Variants in CDK5RAP2 observed in about 807,000 individuals in gnomAD.
CDK5RAP2 encodes CDK5 regulatory subunit associated protein 2.
In CDK5RAP2, 147 loss-of-function variants were observed where a neutral mutation model predicts 232.9. The ratio of observed to expected loss-of-function variants is 0.63; its 90% CI spans 0.55 to 0.72. The LOEUF (loss-of-function observed/expected upper bound fraction) is 0.72. Ranked by LOEUF, CDK5RAP2 falls within the 30% of genes least tolerant of loss-of-function variation. The probability of loss-of-function intolerance (pLI) is 0.00; values close to 1 mark genes in which losing one functional copy is unlikely to be tolerated. For missense variants in CDK5RAP2, 2,195 were observed against 2,231.5 expected (o/e 0.98, Z 0.33); for synonymous variants, 833 against 833.7 (o/e 1.00, Z 0.01).
intron 18 of CDK5RAP2, among the ~76,000 whole-genome samples, chr9:120,466,675 T>C (rs2037396559): frequency 1.3e-5 from 2 of 152,222 alleles, no homozygotes; most frequent in South Asian, 4.1e-4. Context: ...GCAGATATTC[T>C]TGGTTTTCAA....
intron 18 of CDK5RAP2, among the ~76,000 whole-genome samples, chr9:120,462,972 G>A (rs2037174160): frequency 6.6e-6 from 1 of 152,178 alleles, no homozygotes; most frequent in South Asian, 2.1e-4. Context: ...ATGGGCAGGT[G>A]GGAAATGTGA....
chr9:120,453,458 T>C lies in CDK5RAP2; in HGVS notation c.2791A>G (p.Arg931Gly). The C allele has an allele frequency of 6.2e-7, 1 of 1,607,186 alleles. No homozygotes were observed. Among genetic ancestry groups the C allele is most frequent in the Non-Finnish European group, 8.5e-7 (1 of 1,177,270 alleles). Residue 931 changes from arginine to glycine, a missense_variant and splice_region_variant, in exon 21 of 38, where the codon AGA becomes GGA. Physicochemically the swap from Arg to Gly is moderately radical, Grantham distance 125. Transcript: ENST00000349780. ...ALLSLPGITN[R>G]EAKKSRLPIL... ...AATTATTACATGGAAAAACTTACTC[T>C]GTTGGTAATACCAGGGAGGGAAAGG...
In CDK5RAP2 at chr9:120,460,622, C is replaced by A; in HGVS notation, c.2152G>T (p.Asp718Tyr). 6.2e-7 allele frequency: 1 copy of A among 1,614,164 alleles called. No homozygotes were observed. Among genetic ancestry groups the A allele is most frequent in the Non-Finnish European group, 8.5e-7 (1 of 1,180,012 alleles). Residue 718 changes from aspartate (D) to tyrosine (Y), a missense_variant, in exon 19 of 38, where the codon GAT (aspartate) becomes TAT (tyrosine). Coordinates refer to ENST00000349780, the MANE Select transcript of CDK5RAP2 (RefSeq NM_018249.6). ...EDEDTIKIGE[D>Y]DEINFLSDQH... is the part of the protein sequence containing the mutation. The stretch of plus-strand genomic sequence containing the variant: ...TCACTCAGGAAATTAATCTCGTCAT[C>A]CTCCCCAATTTTGATCGTGTCCTCG...
At chr9:120,529,471 G>A (rs1278877799) in intron 8 of CDK5RAP2, among the ~76,000 whole-genome samples, 1 of 152,180 alleles carries the variant, frequency 6.6e-6, no homozygotes, top group East Asian at 1.9e-4. Context: ...TTCTAAACGT[G>A]ACAAGGAGAC....
At chr9:120,434,825 T>C (rs2035482771) in intron 25 of CDK5RAP2, among the ~76,000 whole-genome samples, 1 of 152,168 alleles carries the variant, frequency 6.6e-6, no homozygotes, top group Admixed American at 6.5e-5. Flanking sequence ...AAAGTGGAAG[T>C]TGTTAGTGTC....
rs545067712 is a variant in CDK5RAP2 at position 120,529,520 on chromosome 9, C to T, written c.825+458G>A. On this transcript the variant is annotated intron_variant, in intron 8 of 37. Coordinates refer to ENST00000349780, the MANE Select transcript of CDK5RAP2 (RefSeq NM_018249.6). Reference sequence around the variant, plus strand: ...TTGCCAGGTGGCTGGGAGGATTGAACGAGATGGTATACTGAACCCCTCCCA... The same window carrying T: ...TTGCCAGGTGGCTGGGAGGATTGAATGAGATGGTATACTGAACCCCTCCCA... 9.8e-5 allele frequency among the ~76,000 whole-genome samples: 15 copies of T among 152,330 alleles called. No homozygotes were observed. The South Asian group carries it at 2.3e-3, about 23-fold the overall frequency.
intron 5 of CDK5RAP2, among the ~76,000 whole-genome samples, chr9:120,543,558 T>C (rs933563370): frequency 6.6e-6 from 1 of 152,118 alleles, no homozygotes; most frequent in Non-Finnish European, 1.5e-5. Flanking sequence ...GCCATATCTA[T>C]ATATTCACTC....
chr9:120,571,367 A>C (rs1271125018), intron 2 of CDK5RAP2, among the ~76,000 whole-genome samples: 1 of 152,318 alleles, frequency 6.6e-6, no homozygotes, highest in East Asian at 1.9e-4. Context: ...ATTTTGCAAA[A>C]ACTAGCACTA....
intron 4 of CDK5RAP2, among the ~76,000 whole-genome samples, chr9:120,548,948 G>C (rs1443445423): frequency 6.6e-6 from 1 of 152,200 alleles, no homozygotes; most frequent in Non-Finnish European, 1.5e-5. Flanking sequence ...CTTGAGGCCA[G>C]GAGTTTGAGA....
At position 120,497,421 on chromosome 9, in the gene CDK5RAP2, T is replaced by TAAAAAAAAAAAAAAA. The variant is rs71385064; in HGVS notation, c.1312-5959_1312-5945dup. Among the ~76,000 whole-genome samples, 38 of 23,296 alleles carry TAAAAAAAAAAAAAAA rather than the reference T, an allele frequency of 1.6e-3. 2 individuals are homozygous for TAAAAAAAAAAAAAAA. The highest frequency in any genetic ancestry group is 2.6e-3 in the African/African-American group (4 of 1,512). The allele number at this position is 23,296 out of a possible 152,430, so 15.3% of individuals were successfully genotyped here. On this transcript the variant is annotated intron_variant, in intron 12 of 37. Transcript: ENST00000349780. ...AGAATTATCAATAAAAAAATAAATT[T>TAAAAAAAAAAAAAAA]AAAAAAAAAAAAAAAAAAAAAAAAA... is the stretch of plus-strand genomic sequence containing the variant.
At position 120,402,891 on chromosome 9, in the gene CDK5RAP2, A is replaced by G. The variant is rs754398195; in HGVS notation, c.5222T>C (p.Ile1741Thr). Residue 1741 changes from isoleucine (I) to threonine (T), a missense_variant, in exon 34 of 38, where the codon ATC becomes ACC. Transcript: ENST00000349780. ...AGCAAGGAGCCTCTGTCCCTGGCTG[A>G]TCTGTTTGAGCAGGGCCTCATAGTC... ...IEDYEALLKQISQGQRLLAEM... is the reference protein window; with the variant it reads ...IEDYEALLKQTSQGQRLLAEM... 3.8e-5 allele frequency: 61 copies of G among 1,613,924 alleles called. No homozygotes were observed. The highest frequency in any genetic ancestry group is 5.0e-5 in the Non-Finnish European group (59 of 1,180,016).
intron 3 of CDK5RAP2, among the ~76,000 whole-genome samples, chr9:120,552,901 G>A (rs2042097441): frequency 6.6e-6 from 1 of 151,344 alleles, no homozygotes; most frequent in Admixed American, 6.6e-5. Flanking sequence ...AATGAGTAGA[G>A]ACAGGAAAAA....
At chr9:120,430,929 G>T (rs1022780063) in intron 25 of CDK5RAP2, among the ~76,000 whole-genome samples, 11 of 152,190 alleles carry the variant, frequency 7.2e-5, no homozygotes, top group Non-Finnish European at 1.3e-4. Context: ...ATACTAGGCA[G>T]CCATAAAAAA....
chr9:120,405,342 T>C lies in CDK5RAP2; in HGVS notation c.4964-1229A>G, dbSNP rs1291346313. 6.6e-5 allele frequency among the ~76,000 whole-genome samples: 10 copies of C among 152,262 alleles called. No homozygotes were observed. In the East Asian group the frequency reaches 1.7e-3, roughly 26 times the overall value. On this transcript the variant is annotated intron_variant, in intron 32 of 37. Coordinates refer to ENST00000349780, the MANE Select transcript of CDK5RAP2 (RefSeq NM_018249.6). ...TCTGCTGAGGCAGCACTGTGAATTC[T>C]GAATGCTCTCCTGGATGCCTCTTGC...
chr9:120,456,466 C>T (rs899079488), intron 20 of CDK5RAP2, among the ~76,000 whole-genome samples: 2 of 152,182 alleles, frequency 1.3e-5, no homozygotes, highest in Admixed American at 1.3e-4. Flanking sequence ...AGAAGGCCCT[C>T]TGCATATCCA....
At position 120,388,912 on chromosome 9, in the gene CDK5RAP2, T is replaced by C. The variant is rs2031648200; in HGVS notation, c.*324A>G. 1 of 417,612 alleles carries C rather than the reference T, an allele frequency of 2.4e-6. No homozygotes were observed. Among genetic ancestry groups the C allele is most frequent in the Non-Finnish European group, 4.3e-6 (1 of 233,898 alleles). 25.9% of individuals were successfully genotyped at this position (417,612 alleles called of 1,614,324 possible). On this transcript the variant is annotated 3_prime_UTR_variant, in exon 38 of 38. Coordinates refer to ENST00000349780, the MANE Select transcript of CDK5RAP2 (RefSeq NM_018249.6). ...AATCATTTAATGAGAATCTTCAAAC[T>C]GTGGCACTGGCTGAGTACTAAGCAA...
intron 18 of CDK5RAP2, 83 bp downstream of exon 18, chr9:120,467,777 C>T: frequency 6.8e-7 from 1 of 1,467,214 alleles, no homozygotes; most frequent in African/African-American, 1.4e-5. Context: ...TCCCAAAGTG[C>T]TGGGATTACA....
At chr9:120,493,624 C>T (rs2039013233) in intron 12 of CDK5RAP2, among the ~76,000 whole-genome samples, 1 of 152,190 alleles carries the variant, frequency 6.6e-6, no homozygotes, top group African/African-American at 2.4e-5. Flanking sequence ...CTTATCTAAA[C>T]TACCACTTTA....
At position 120,394,557 on chromosome 9, in the gene CDK5RAP2, G is replaced by A; in HGVS notation, c.5533C>T (p.Leu1845Phe). Residue 1845 changes from leucine (L) to phenylalanine (F), a missense_variant, in exon 36 of 38, where the codon CTT becomes TTT. By Grantham distance (22) the Leu-to-Phe change is conservative (BLOSUM62 0). Transcript: ENST00000349780. The stretch of plus-strand genomic sequence containing the variant: ...TCCTGGCGCTTGCTCAGCTGCAAAA[G>A]CTTCATGGTGTTTTGCAACTTCTTT... ...QEKKLQNTMK[L>F]LQLSKRQEKV... is the part of the protein sequence containing the mutation. 1 of 1,614,140 alleles carries A rather than the reference G, an allele frequency of 6.2e-7. No individual in the cohort carries two copies. The highest frequency in any genetic ancestry group is 8.5e-7 in the Non-Finnish European group (1 of 1,179,986).
Sources: gnomAD v4.1 joint callset for allele counts (sites outside exome capture counted in the v4.1 genomes callset) on GRCh38, gnomAD v4.1.1 for gene constraint, MANE v1.5 for transcripts, NCBI Gene and HGNC (gene_info 2026-07-23, HGNC 2026-07-21) for gene names.